The following CSMD3 variants were observed in gnomAD, a reference collection of about 807,000 sequenced individuals.
CSMD3 encodes CUB and sushi domain-containing protein 3.
In CSMD3, 177 loss-of-function variants were observed where a neutral mutation model predicts 435.2. That is an observed-to-expected ratio of 0.41 (90% confidence interval 0.36 to 0.46). The LOEUF (loss-of-function observed/expected upper bound fraction) is 0.46, where lower values mean the gene tolerates loss of function less well. Among genes scored for constraint, CSMD3 ranks in the 20% least tolerant of loss-of-function variants. The probability of loss-of-function intolerance (pLI) is 0.34; values close to 1 mark genes in which losing one functional copy is unlikely to be tolerated. For synonymous variants in CSMD3, 1,656 were observed against 1,520.5 expected (o/e 1.09, Z -2.07); for missense variants, 4,265 against 4,504.6 (o/e 0.95, Z 1.52).
At chr8:113,179,404 G>A (rs1455401713) in intron 3 of CSMD3, among the ~76,000 whole-genome samples, 1 of 151,714 alleles carries the variant, frequency 6.6e-6, no homozygotes, top group Non-Finnish European at 1.5e-5. Context: ...AATGAAGTAT[G>A]TTAGATCATT....
intron 32 of CSMD3, among the ~76,000 whole-genome samples, chr8:112,449,345 T>A (rs945190193): frequency 1.3e-5 from 2 of 152,186 alleles, no homozygotes; most frequent in Non-Finnish European, 2.9e-5. Context: ...TGGTGTGGTA[T>A]AAATTCATGA....
chr8:112,419,071 T>C (rs988035925), intron 32 of CSMD3, among the ~76,000 whole-genome samples: 3 of 152,156 alleles, frequency 2.0e-5, no homozygotes, highest in African/African-American at 7.2e-5. Flanking sequence ...GCATAAGGGA[T>C]GATTAGGGAT....
chr8:112,546,243 T>C (rs577584863), intron 27 of CSMD3, among the ~76,000 whole-genome samples: 63 of 152,290 alleles, frequency 4.1e-4, no homozygotes, highest in Non-Finnish European at 7.9e-4. Flanking sequence ...TGAGTTTAGA[T>C]TTGTGTGGCC....
At chr8:113,052,899 G>A (rs2088159132) in intron 5 of CSMD3, among the ~76,000 whole-genome samples, 2 of 152,204 alleles carry the variant, frequency 1.3e-5, no homozygotes, top group Non-Finnish European at 2.9e-5. Flanking sequence ...AAAATCTGAT[G>A]TGAATTCAAC....
intron 10 of CSMD3, among the ~76,000 whole-genome samples, chr8:112,903,356 G>T (rs1297675077): frequency 6.6e-6 from 1 of 151,130 alleles, no homozygotes; most frequent in Non-Finnish European, 1.5e-5. Context: ...ATAAGTCATT[G>T]TAAGTTTTAC....
chr8:113,127,771 G>T (rs926484758), intron 4 of CSMD3, among the ~76,000 whole-genome samples: 13 of 152,034 alleles, frequency 8.6e-5, no homozygotes, highest in Admixed American at 4.6e-4. Context: ...CTTCAAAAAT[G>T]TTGACTACAT....
chr8:113,101,198 C>T (rs917545755), intron 4 of CSMD3, among the ~76,000 whole-genome samples: 1 of 152,072 alleles, frequency 6.6e-6, no homozygotes, highest in African/African-American at 2.4e-5. Flanking sequence ...CTGTGTCTCT[C>T]CAGCTGGCTG....
rs1826222831 is a variant in CSMD3 at position 112,352,503 on chromosome 8, T to C, written c.6168A>G (p.Gln2056=). ...AIGLDSCPEP[Q]TPSSGIKIGD... The stretch of plus-strand genomic sequence containing the variant: ...CAATTTTAATTCCACTGCTAGGAGT[T>C]TGTGGTTCAGGACAGGAATCCAAAC... The change falls in exon 39 of 71, where the codon CAA becomes CAG. Residue 2056 remains glutamine (Q), a synonymous_variant. Transcript: ENST00000297405. The C allele has an allele frequency of 1.9e-6, 3 of 1,613,628 alleles. No individual in the cohort carries two copies. The highest frequency in any genetic ancestry group is 2.5e-6 in the Non-Finnish European group (3 of 1,179,718).
intron 32 of CSMD3, among the ~76,000 whole-genome samples, chr8:112,409,400 C>A (rs1291872681): frequency 6.6e-6 from 1 of 151,880 alleles, no homozygotes; most frequent in Non-Finnish European, 1.5e-5. Flanking sequence ...ACTCTCTTCT[C>A]TTTTTCTAAT....
At position 112,432,760 on chromosome 8, in the gene CSMD3, T is replaced by A. The variant is rs184933289; in HGVS notation, c.5396-23728A>T. On this transcript the variant is annotated intron_variant, in intron 32 of 70. Transcript: ENST00000297405. ...GGTTTGGGAAGCAAAACACATTTTT[T>A]AATGTGGGTCTCAGTTGAAAAGTTT... Among the ~76,000 whole-genome samples the A allele has an allele frequency of 2.3e-3, 350 of 152,212 alleles. 1 individual carries two copies. The highest frequency in any genetic ancestry group is 4.2e-3 in the Non-Finnish European group (287 of 68,004).
At chr8:112,638,105 G>A (rs1007059517) in intron 21 of CSMD3, among the ~76,000 whole-genome samples, 4 of 150,678 alleles carry the variant, frequency 2.7e-5, no homozygotes, top group Non-Finnish European at 5.9e-5. Context: ...TATAAGTGAG[G>A]TTATACTAGA....
At chr8:112,234,499 T>C (rs759342639) in intron 67 of CSMD3, 22 bp from the exon 68 acceptor site, 3 of 1,307,644 alleles carry the variant, frequency 2.3e-6, no homozygotes, top group Non-Finnish European at 3.3e-6. Context: ...AAGGACATTT[T>C]AGTCTACTTA....
chr8:113,380,778 T>C (rs2094411720), intron 1 of CSMD3, among the ~76,000 whole-genome samples: 1 of 152,352 alleles, frequency 6.6e-6, no homozygotes, highest in East Asian at 1.9e-4. Context: ...GCCCAAGGAA[T>C]GCTTTATAGT....
At chr8:112,561,848 G>A (rs772532546) in intron 24 of CSMD3, among the ~76,000 whole-genome samples, 55 of 151,352 alleles carry the variant, frequency 3.6e-4, no homozygotes, top group Non-Finnish European at 6.4e-4. Flanking sequence ...CTGGTATTGC[G>A]TTTTATCTTT....
In CSMD3 at chr8:113,436,640, C is replaced by T. The variant is rs369291018; in HGVS notation, c.178+37G>A. 16 of 1,601,416 alleles carry T rather than the reference C, an allele frequency of 1.0e-5. No homozygotes were observed. The African/African-American group carries it at 1.6e-4, about 16-fold the overall frequency. ...TCTCCATCTACAAGTCAGCCCACCT[C>T]CATCCAAAGCGGAGGGGACCCCCAA... On this transcript the variant is annotated intron_variant, in intron 1 of 70. Coordinates refer to ENST00000297405, the MANE Select transcript of CSMD3 (RefSeq NM_198123.2).
chr8:112,786,122 C>G (rs758843176), intron 13 of CSMD3, among the ~76,000 whole-genome samples: 6 of 151,552 alleles, frequency 4.0e-5, no homozygotes, highest in Non-Finnish European at 8.8e-5. Context: ...AGAAATAAAT[C>G]CATACATTTG....
chr8:113,366,642 C>T lies in CSMD3; in HGVS notation c.179-51849G>A, dbSNP rs182481056. 5.9e-5 allele frequency among the ~76,000 whole-genome samples: 9 copies of T among 152,114 alleles called. No individual in the cohort carries two copies. In the South Asian group the frequency reaches 1.2e-3, roughly 21 times the overall value. ...GCATATTTGAATGCAATTCTTGTTT[C>T]CAAAATGATGTCTTGAGAAAACTAG... On this transcript the variant is annotated intron_variant, in intron 1 of 70. Coordinates refer to ENST00000297405, the MANE Select transcript of CSMD3 (RefSeq NM_198123.2).
intron 3 of CSMD3, among the ~76,000 whole-genome samples, chr8:113,232,632 T>A (rs2093101247): frequency 1.3e-5 from 2 of 151,794 alleles, no homozygotes; most frequent in South Asian, 4.1e-4. Flanking sequence ...AAAAACAGTA[T>A]TCATTATCAA....
At chr8:112,296,046 T>C (rs1370468280) in intron 53 of CSMD3, 40 bp from the exon 54 acceptor site, 6 of 1,485,376 alleles carry the variant, frequency 4.0e-6, no homozygotes, top group Non-Finnish European at 5.6e-6. Flanking sequence ...ATACTGTGAT[T>C]TGTTTTATTT....
Sources: gnomAD v4.1 joint callset for allele counts (sites outside exome capture counted in the v4.1 genomes callset) on GRCh38, gnomAD v4.1.1 for gene constraint, MANE v1.5 for transcripts, NCBI Gene and HGNC (gene_info 2026-07-23, HGNC 2026-07-21) for gene names.